The following CNGB3 variants were observed in gnomAD, a reference collection of about 807,000 sequenced individuals.
CNGB3 encodes cyclic nucleotide-gated channel beta-3.
In CNGB3, 86 loss-of-function variants were observed where a neutral mutation model predicts 92.8. The ratio of observed to expected loss-of-function variants is 0.93; its 90% confidence interval spans 0.78 to 1.11. The LOEUF is 1.11. Among genes scored for constraint, CNGB3 ranks in the 50% least tolerant of loss-of-function variants. CNGB3 has a pLI of 0.00. For synonymous variants in CNGB3, 333 were observed against 332.7 expected (o/e 1.00, Z -0.01); for missense variants, 1,026 against 956.8 (o/e 1.07, Z -0.95).
Position 86,576,101 on chromosome 8 carries a change from T to G in CNGB3, c.2133A>C (p.Glu711Asp). The G allele has an allele frequency of 6.2e-7, 1 of 1,604,648 alleles. No homozygotes were observed. Among genetic ancestry groups the G allele is most frequent in the Non-Finnish European group, 8.5e-7 (1 of 1,177,274 alleles). ...QKKENSEGGE[E>D]EGKENEDKQK... Reference sequence around the variant, plus strand: ...GTTTATCTTCATTTTCTTTTCCTTCTTCCTCTCCTCCTTCAGAATTTTCTT... The same window carrying G: ...GTTTATCTTCATTTTCTTTTCCTTCGTCCTCTCCTCCTTCAGAATTTTCTT... Residue 711 changes from glutamate to aspartate, a missense_variant, in exon 18 of 18, where the codon GAA becomes GAC. Transcript: ENST00000320005.
intron 10 of CNGB3, 107 bp from the exon 11 acceptor site, chr8:86,633,000 C>G: frequency 9.4e-7 from 1 of 1,061,902 alleles, no homozygotes; most frequent in Non-Finnish European, 1.4e-6. Flanking sequence ...TCCTACTAAT[C>G]AAGATTTTCT....
chr8:86,693,162 C>T (rs569202051), intron 3 of CNGB3, among the ~76,000 whole-genome samples: 1 of 152,210 alleles, frequency 6.6e-6, no homozygotes, highest in East Asian at 1.9e-4. Flanking sequence ...TCTTAAGATG[C>T]TTTTCTTCAT....
Position 86,575,762 on chromosome 8 carries a change from C to T in CNGB3, c.*42G>A, listed in dbSNP as rs1221968882. On this transcript the variant is annotated 3_prime_UTR_variant, in exon 18 of 18. Coordinates refer to ENST00000320005, the MANE Select transcript of CNGB3 (RefSeq NM_019098.5). Reference sequence around the variant, plus strand: ...TAAGTTACAATCCTAGGTACAATCACTTTGGGAACTAGCTATATCACATCT... The same window carrying T: ...TAAGTTACAATCCTAGGTACAATCATTTTGGGAACTAGCTATATCACATCT... 4 of 1,557,758 alleles carry T rather than the reference C, an allele frequency of 2.6e-6. No individual in the cohort carries two copies. The African/African-American group carries it at 4.1e-5, about 16-fold the overall frequency.
chr8:86,660,913 A>ACTC (rs1823628506), intron 6 of CNGB3: 1 of 297,114 alleles, frequency 3.4e-6, no homozygotes, highest in African/African-American at 2.2e-5. Flanking sequence ...CTTAAGAAAT[A>ACTC]CTCCTACCCC....
chr8:86,620,014 C>T lies in CNGB3; in HGVS notation c.1578+5969G>A, dbSNP rs1338358798. On this transcript the variant is annotated intron_variant, in intron 13 of 17. Transcript: ENST00000320005. Reference sequence around the variant, plus strand: ...GGGATAACAGCCATGAGCTACCGCACTGGGCCAGCTTGACTTTGGACTCTA... The same window carrying T: ...GGGATAACAGCCATGAGCTACCGCATTGGGCCAGCTTGACTTTGGACTCTA... Among the ~76,000 whole-genome samples the T allele has an allele frequency of 3.3e-5, 5 of 151,720 alleles. No homozygotes were observed. The South Asian group carries it at 1.0e-3, about 31-fold the overall frequency.
chr8:86,664,381 A>T (rs906315014), intron 6 of CNGB3, among the ~76,000 whole-genome samples: 1 of 152,190 alleles, frequency 6.6e-6, no homozygotes, highest in Non-Finnish European at 1.5e-5. Flanking sequence ...TTCTACATGG[A>T]CCTAAGATGC....
chr8:86,577,797 TC>T, intron 17 of CNGB3, among the ~76,000 whole-genome samples: 1 of 152,334 alleles, frequency 6.6e-6, no homozygotes, highest in African/African-American at 2.4e-5. Context: ...AGACAGTATT[TC>T]AGGACTATGC....
chr8:86,661,519 A>T (rs1823640319), intron 6 of CNGB3: 1 of 666,730 alleles, frequency 1.5e-6, no homozygotes, highest in Non-Finnish European at 2.9e-6. Context: ...ACCACATCAC[A>T]TTTAAATGGC....
At chr8:86,737,770 G>T (rs1441850760) in intron 2 of CNGB3, among the ~76,000 whole-genome samples, 1 of 152,078 alleles carries the variant, frequency 6.6e-6, no homozygotes, top group Non-Finnish European at 1.5e-5. Context: ...GGTGTCTGTT[G>T]TTCCCATCTT....
chr8:86,597,075 A>G (rs1413357743), intron 15 of CNGB3, among the ~76,000 whole-genome samples: 1 of 152,096 alleles, frequency 6.6e-6, no homozygotes, highest in Admixed American at 6.6e-5. Flanking sequence ...ACCTAATGTA[A>G]ATGAGTTGAT....
intron 3 of CNGB3, among the ~76,000 whole-genome samples, chr8:86,713,673 A>G (rs1197751842): frequency 6.6e-6 from 1 of 152,170 alleles, no homozygotes; most frequent in Non-Finnish European, 1.5e-5. Flanking sequence ...TGATCTTACA[A>G]TATTAAAACT....
chr8:86,664,261 G>GA lies in CNGB3; in HGVS notation c.852+2663dup, dbSNP rs556907930. Among the ~76,000 whole-genome samples, 5 of 152,224 alleles carry GA rather than the reference G, an allele frequency of 3.3e-5. No homozygotes were observed. In the South Asian group the frequency reaches 1.0e-3, roughly 32 times the overall value. On this transcript the variant is annotated intron_variant, in intron 6 of 17. Coordinates refer to ENST00000320005, the MANE Select transcript of CNGB3 (RefSeq NM_019098.5). ...AGAAAATGACAATTATTTTAAGGAAGAAAAAAATATTCAAAGCTATTCCTT... is the reference window on the plus strand; with the variant it reads ...AGAAAATGACAATTATTTTAAGGAAGAAAAAAAATATTCAAAGCTATTCCTT...
chr8:86,633,799 T>C (rs1204606817), intron 10 of CNGB3, among the ~76,000 whole-genome samples: 1 of 152,240 alleles, frequency 6.6e-6, no homozygotes, highest in Admixed American at 6.5e-5. Flanking sequence ...TTAGATCCAA[T>C]TGTTTTTACT....
intron 10 of CNGB3, among the ~76,000 whole-genome samples, chr8:86,639,731 A>T (rs1291492710): frequency 1.3e-5 from 2 of 152,146 alleles, no homozygotes; most frequent in Non-Finnish European, 2.9e-5. Context: ...CTAGTAACTG[A>T]CATATGCAAA....
intron 7 of CNGB3, 40 bp downstream of exon 7, chr8:86,653,972 A>G (rs775129014): frequency 1.0e-5 from 14 of 1,349,324 alleles, no homozygotes; most frequent in Non-Finnish European, 1.4e-5. Flanking sequence ...CAAAATGGTA[A>G]TAGATCACGT....
rs754804590 is a variant in CNGB3, at chr8:86,671,083, CG to C, written c.353del (p.Pro118ArgfsTer7). 1.2e-6 allele frequency: 2 copies of C among 1,613,358 alleles called. No individual in the cohort carries two copies. The highest frequency in any genetic ancestry group is 1.1e-5 in the South Asian group (1 of 91,052). On this transcript the variant is annotated frameshift_variant, in exon 4 of 18. Transcript: ENST00000320005. LOFTEE classifies it high-confidence loss of function. ...ACTCATTTATAACAGGAGCTGCAGG[CG>C]GTTTGTTTTGTGGGCTAAATGAGAA... ...KEGPNSPQNK[P>X]PAAPVINEYA... is the part of the protein sequence containing the mutation.
At chr8:86,663,375 C>A (rs536207119) in intron 6 of CNGB3, among the ~76,000 whole-genome samples, 1 of 152,130 alleles carries the variant, frequency 6.6e-6, no homozygotes, top group African/African-American at 2.4e-5. Flanking sequence ...TGTTTGACTG[C>A]GTTTCAAAAT....
intron 7 of CNGB3, among the ~76,000 whole-genome samples, chr8:86,650,288 C>T (rs1037985532): frequency 6.6e-6 from 1 of 151,496 alleles, no homozygotes. Context: ...CTCAACTCCT[C>T]TATGATTACA....
chr8:86,711,598 A>G (rs967701121), intron 3 of CNGB3, among the ~76,000 whole-genome samples: 3 of 152,108 alleles, frequency 2.0e-5, no homozygotes, highest in African/African-American at 4.8e-5. Context: ...TAGGACCACA[A>G]ACTGCCTATA....
Sources: gnomAD v4.1 joint callset for allele counts (sites outside exome capture counted in the v4.1 genomes callset) on GRCh38, gnomAD v4.1.1 for gene constraint, MANE v1.5 for transcripts, NCBI Gene and HGNC (gene_info 2026-07-23, HGNC 2026-07-21) for gene names.